The following TRPM2 variants were observed in gnomAD, a reference collection of about 807,000 sequenced individuals.
TRPM2 encodes transient receptor potential cation channel subfamily M member 2.
Under a neutral mutation model 174.0 loss-of-function variants are expected in TRPM2, and 161 were observed. The observed-to-expected ratio is 0.93, with a 90% CI of 0.81 to 1.05. The LOEUF (loss-of-function observed/expected upper bound fraction) is 1.05. Ranked by LOEUF, TRPM2 falls within the 50% of genes least tolerant of loss-of-function variation. TRPM2 has a pLI of 0.00. For synonymous variants in TRPM2, 954 were observed against 861.3 expected, an observed-to-expected ratio of 1.11 and a Z score of -1.88; for missense variants, 2,057 against 2,038.0, an observed-to-expected ratio of 1.01 and a Z score of -0.18.
chr21:44,355,006 C>T (rs900864715), intron 2 of TRPM2, among the ~76,000 whole-genome samples: 4 of 152,052 alleles, frequency 2.6e-5, no homozygotes, highest in East Asian at 1.9e-4. Flanking sequence ...GGCACTGTCG[C>T]GCGGCGAGGC....
At chr21:44,378,886 A>G in intron 7 of TRPM2, 111 bp from the exon 8 acceptor site, 1 of 1,162,680 alleles carries the variant, frequency 8.6e-7, no homozygotes. Flanking sequence ...TGGATCTCGG[A>G]GTAGTGTTAG....
chr21:44,419,329 A>T (rs1212326208), intron 22 of TRPM2, among the ~76,000 whole-genome samples: 1 of 151,898 alleles, frequency 6.6e-6, no homozygotes, highest in East Asian at 1.9e-4. Flanking sequence ...ACATGTATGT[A>T]CTCCTGCCTT....
intron 30 of TRPM2, among the ~76,000 whole-genome samples, chr21:44,440,208 A>G (rs1333035670): frequency 1.3e-5 from 2 of 150,090 alleles, no homozygotes; most frequent in Non-Finnish European, 1.5e-5. Context: ...CTGATGGCGC[A>G]CACCTGTAAT....
In TRPM2 at chr21:44,399,269, T is replaced by C. The variant is rs755907214; in HGVS notation, c.2063-27T>C. 113 of 1,601,438 alleles carry C rather than the reference T, an allele frequency of 7.1e-5. No individual in the cohort carries two copies. Among genetic ancestry groups the C allele is most frequent in the Non-Finnish European group, 9.3e-5 (109 of 1,172,614 alleles). On this transcript the variant is annotated intron_variant, in intron 13 of 31. Coordinates refer to ENST00000397928, the MANE Select transcript of TRPM2 (RefSeq NM_003307.4). This position sits in a 1 kb window ranked among gnomAD's most constrained non-coding sequence, Gnocchi z 4.6. The stretch of plus-strand genomic sequence containing the variant: ...GCTCAGTGATTGTGACCTGCTGCTC[T>C]GACGGGGCTCTCATATCTCCGCCCA...
rs1323757139 is a variant in TRPM2 at position 44,354,080 on chromosome 21, A to G, written c.165+215A>G. On this transcript the variant is annotated intron_variant, in intron 1 of 31. Transcript: ENST00000397928. This position sits in a 1 kb window ranked among gnomAD's most constrained non-coding sequence, Gnocchi z 4.3. ...ATGACCATTTCCCATGGTTGGTCTG[A>G]TTGGGAAATCACCGGGTTAACTCAA... Among the ~76,000 whole-genome samples, 1 of 152,104 alleles carries G rather than the reference A, an allele frequency of 6.6e-6. No homozygotes were observed. Among genetic ancestry groups the G allele is most frequent in the Non-Finnish European group, 1.5e-5 (1 of 68,018 alleles).
rs753398637 is a variant in TRPM2, at chr21:44,393,445, A to G, written c.1794+1820A>G. Among the ~76,000 whole-genome samples, 26 of 152,000 alleles carry G rather than the reference A, an allele frequency of 1.7e-4. 1 individual carries two copies. Among genetic ancestry groups the G allele is most frequent in the Non-Finnish European group, 2.6e-4 (18 of 68,018 alleles). On this transcript the variant is annotated intron_variant, in intron 11 of 31. Coordinates refer to ENST00000397928, the MANE Select transcript of TRPM2 (RefSeq NM_003307.4). Reference sequence around the variant, plus strand: ...TAATATACTGGATTCTCTTGGCAACATTTTCAGGATGTTTGCATCAGAATG... The same window carrying G: ...TAATATACTGGATTCTCTTGGCAACGTTTTCAGGATGTTTGCATCAGAATG...
chr21:44,355,247 C>G (rs2048024275), intron 2 of TRPM2, among the ~76,000 whole-genome samples: 1 of 152,156 alleles, frequency 6.6e-6, no homozygotes, highest in South Asian at 2.1e-4. Flanking sequence ...CAGGTGTGGC[C>G]AAGACCCCCG....
At position 44,405,189 on chromosome 21, in the gene TRPM2, G is replaced by A. The variant is rs2049824741; in HGVS notation, c.2586G>A (p.Leu862=). The A allele has an allele frequency of 1.2e-6, 2 of 1,613,532 alleles. No individual in the cohort carries two copies. Among genetic ancestry groups the A allele is most frequent in the East Asian group, 2.2e-5 (1 of 44,892 alleles). Residue 862 remains leucine, a synonymous_variant, in exon 17 of 32, where the codon TTG becomes TTA. Coordinates refer to ENST00000397928, the MANE Select transcript of TRPM2 (RefSeq NM_003307.4). ...DECGLMKKAA[L]YFSDFWNKLD... is the part of the protein sequence containing the mutation. ...GCGGGCTGATGAAGAAGGCAGCCTT[G>A]TACTTCAGTGACTTCTGGAATAAGC...
chr21:44,404,109 A>G lies in TRPM2; in HGVS notation c.2539-1033A>G, dbSNP rs144204459. ...CACACATACACACACATATATACAT[A>G]TGCACACATGAATGAACATACACAT... is the stretch of plus-strand genomic sequence containing the variant. On this transcript the variant is annotated intron_variant, in intron 16 of 31. Coordinates refer to ENST00000397928, the MANE Select transcript of TRPM2 (RefSeq NM_003307.4). Among the ~76,000 whole-genome samples, 9 of 152,242 alleles carry G rather than the reference A, an allele frequency of 5.9e-5. No homozygotes were observed. In the East Asian group the frequency reaches 1.7e-3, roughly 29 times the overall value.
chr21:44,405,165 C>T lies in TRPM2; in HGVS notation c.2562C>T (p.Cys854=), dbSNP rs367623437. 163 of 1,613,360 alleles carry T rather than the reference C, an allele frequency of 1.0e-4. No homozygotes were observed. The highest frequency in any genetic ancestry group is 1.2e-4 in the Non-Finnish European group (139 of 1,179,938). Residue 854 remains cysteine, a synonymous_variant, in exon 17 of 32, where the codon TGC becomes TGT. Transcript: ENST00000397928. The part of the protein sequence containing the change: ...MRQLFYDPDE[C]GLMKKAALYF... ...AGCTCTTCTATGACCCTGACGAGTGCGGGCTGATGAAGAAGGCAGCCTTGT... is the reference window on the plus strand; with the variant it reads ...AGCTCTTCTATGACCCTGACGAGTGTGGGCTGATGAAGAAGGCAGCCTTGT...
Position 44,441,927 on chromosome 21 carries a change from G to T in TRPM2, c.*110G>T, listed in dbSNP as rs1346843173. 3 of 1,400,648 alleles carry T rather than the reference G, an allele frequency of 2.1e-6. No homozygotes were observed. The highest frequency in any genetic ancestry group is 1.7e-5 in the South Asian group (1 of 58,106). The allele number at this position is 1,400,648 out of a possible 1,614,324, so 86.8% of individuals were successfully genotyped here. On this transcript the variant is annotated 3_prime_UTR_variant, in exon 32 of 32. Coordinates refer to ENST00000397928, the MANE Select transcript of TRPM2 (RefSeq NM_003307.4). ...CAGGCTGTTCCTGGGCCCTGCACAT[G>T]ATGGGGTTTGGTGGACCCAGTGCCC...
In TRPM2 at chr21:44,401,742, C is replaced by T. The variant is rs2049625533; in HGVS notation, c.2383C>T (p.Pro795Ser). The T allele has an allele frequency of 6.2e-7, 1 of 1,613,606 alleles. No individual in the cohort carries two copies. Among genetic ancestry groups the T allele is most frequent in the Non-Finnish European group, 8.5e-7 (1 of 1,180,006 alleles). ...AARARAFFTA[P>S]VVVFHLNILS... ...CCGCGCCCGTGCCTTCTTCACCGCA[C>T]CCGTGGTGGTCTTCCACCTGAACAT... Residue 795 changes from proline to serine, a missense_variant, in exon 16 of 32, where the codon CCC becomes TCC. Pro to Ser is a moderately conservative substitution (Grantham distance 74). Coordinates refer to ENST00000397928, the MANE Select transcript of TRPM2 (RefSeq NM_003307.4).
chr21:44,391,597 T>C lies in TRPM2; in HGVS notation c.1766T>C (p.Leu589Pro). 1 of 1,584,344 alleles carries C rather than the reference T, an allele frequency of 6.3e-7. No individual in the cohort carries two copies. Among genetic ancestry groups the C allele is most frequent in the Non-Finnish European group, 8.5e-7 (1 of 1,171,910 alleles). Residue 589 changes from leucine (L) to proline (P), a missense_variant, in exon 11 of 32, where the codon CTG becomes CCG. Coordinates refer to ENST00000397928, the MANE Select transcript of TRPM2 (RefSeq NM_003307.4). The surrounding 1 kb of genome is among the most constrained non-coding windows in gnomAD (Gnocchi z 5.0). ...CGGCACAACGACCGGCTGCGGCTCC[T>C]GCTGCCCGTTCCCCACGTCAAGCTC... Reference protein sequence around the residue: ...RPRHNDRLRLLLPVPHVKLNV... With the variant: ...RPRHNDRLRLPLPVPHVKLNV...
intron 8 of TRPM2, among the ~76,000 whole-genome samples, chr21:44,380,928 G>A (rs139125729): frequency 7.9e-4 from 120 of 152,278 alleles, no homozygotes; most frequent in African/African-American, 2.6e-3. Context: ...AGGACAGGGC[G>A]GGCTGAAGTC....
At chr21:44,400,609 C>T (rs2049585773) in intron 15 of TRPM2, among the ~76,000 whole-genome samples, 1 of 152,230 alleles carries the variant, frequency 6.6e-6, no homozygotes, top group African/African-American at 2.4e-5. Context: ...ATGAGCCCGT[C>T]CCTCAGCCAC....
chr21:44,357,386 C>A (rs1485593720), intron 2 of TRPM2, among the ~76,000 whole-genome samples: 1 of 152,220 alleles, frequency 6.6e-6, no homozygotes, highest in Non-Finnish European at 1.5e-5. Flanking sequence ...TCCCCAAAGC[C>A]ATCCCCCATG....
intron 19 of TRPM2, 67 bp from the exon 20 acceptor site, chr21:44,413,824 C>T: frequency 6.4e-7 from 1 of 1,551,724 alleles, no homozygotes; most frequent in East Asian, 2.3e-5. Flanking sequence ...CGAGGGCCCC[C>T]TCCTGCCAAG....
chr21:44,439,649 C>G lies in TRPM2; in HGVS notation c.4269+481C>G, dbSNP rs1244768312. 6.6e-6 allele frequency among the ~76,000 whole-genome samples: 1 copy of G among 152,202 alleles called. No homozygotes were observed. The highest frequency in any genetic ancestry group is 1.5e-5 in the Non-Finnish European group (1 of 68,038). On this transcript the variant is annotated intron_variant, in intron 30 of 31. Coordinates refer to ENST00000397928, the MANE Select transcript of TRPM2 (RefSeq NM_003307.4). The surrounding 1 kb of genome is among the most constrained non-coding windows in gnomAD (Gnocchi z 5.1). ...CTGTACCAGGACTTTTTATTTACTT[C>G]TTTAGAAACCTCGATCTTTCCTTAG...
rs2049566935 is a variant in TRPM2, at chr21:44,400,168, T to TA, written c.2209-90dup. The TA allele has an allele frequency of 1.5e-5, 16 of 1,086,512 alleles. No individual in the cohort carries two copies. In the South Asian group the frequency reaches 2.3e-4, roughly 16 times the overall value. 67.3% of individuals were successfully genotyped at this position (1,086,512 alleles called of 1,614,324 possible). On this transcript the variant is annotated intron_variant, in intron 14 of 31. Transcript: ENST00000397928. The stretch of plus-strand genomic sequence containing the variant: ...GAGACTGCAGGCTAGCTCTGTCCAC[T>TA]AGGCACCCCGAGTCCTCAGCAGACA...
Sources: allele counts gnomAD v4.1 joint callset (sites outside exome capture counted in the v4.1 genomes callset), GRCh38; gene constraint gnomAD v4.1.1; non-coding constraint Gnocchi (gnomAD v3.1); transcripts MANE v1.5; gene names NCBI Gene and HGNC (gene_info 2026-07-23, HGNC 2026-07-21).